ADCY2: variants seen among roughly 807,000 people sequenced by gnomAD.
ADCY2 encodes adenylate cyclase 2.
A neutral mutation model predicts 125.2 loss-of-function variants in ADCY2; 31 were observed. The observed-to-expected ratio is 0.25, with a 90% CI of 0.19 to 0.33. ADCY2 has a LOEUF of 0.33. Among genes scored for constraint, ADCY2 ranks in the 10% least tolerant of loss-of-function variants. ADCY2 has a pLI of 1.00. For synonymous variants in ADCY2, 512 were observed against 548.4 expected (o/e 0.93, Z 0.93); for missense variants, 904 against 1,418.2 (o/e 0.64, Z 5.82).
chr5:7,524,693 G>A (rs1734394527), intron 3 of ADCY2, among the ~76,000 whole-genome samples: 1 of 152,122 alleles, frequency 6.6e-6, no homozygotes, highest in Admixed American at 6.5e-5. Context: ...ATAGATTCCG[G>A]TTCTGCATCT....
chr5:7,746,699 C>T (rs1461829766), intron 15 of ADCY2, among the ~76,000 whole-genome samples: 1 of 152,218 alleles, frequency 6.6e-6, no homozygotes, highest in Non-Finnish European at 1.5e-5. Context: ...AACTTGCCTT[C>T]TATTAACGTA....
chr5:7,473,847 G>GA (rs1742425976), intron 2 of ADCY2, among the ~76,000 whole-genome samples: 1 of 152,184 alleles, frequency 6.6e-6, no homozygotes, highest in South Asian at 2.1e-4. Flanking sequence ...CTGTAAACAG[G>GA]AATGTGCTCT....
chr5:7,562,828 C>G (rs1244435746), intron 3 of ADCY2, among the ~76,000 whole-genome samples: 1 of 152,130 alleles, frequency 6.6e-6, no homozygotes, highest in Non-Finnish European at 1.5e-5. Flanking sequence ...GAGCCTGGGA[C>G]TCCATTAATA....
intron 2 of ADCY2, among the ~76,000 whole-genome samples, chr5:7,458,281 A>G (rs1201630671): frequency 1.3e-5 from 2 of 152,218 alleles, no homozygotes; most frequent in African/African-American, 4.8e-5. Context: ...TTACAAATAC[A>G]ACAGTTTTGA....
At chr5:7,627,178 A>C (rs1738162746) in intron 4 of ADCY2, among the ~76,000 whole-genome samples, 1 of 151,942 alleles carries the variant, frequency 6.6e-6, no homozygotes, top group Non-Finnish European at 1.5e-5. Context: ...TTCCTCAGGG[A>C]GGTGATTGAA....
chr5:7,716,570 G>T (rs1741596606), intron 11 of ADCY2, among the ~76,000 whole-genome samples: 2 of 152,314 alleles, frequency 1.3e-5, no homozygotes, highest in Non-Finnish European at 2.9e-5. Context: ...AAAAACTTTA[G>T]TTATTCACTC....
At chr5:7,467,947 C>T (rs1171234401) in intron 2 of ADCY2, among the ~76,000 whole-genome samples, 1 of 152,068 alleles carries the variant, frequency 6.6e-6, no homozygotes, top group African/African-American at 2.4e-5. Context: ...TATGCAAATA[C>T]AATGAAAAGA....
intron 3 of ADCY2, among the ~76,000 whole-genome samples, chr5:7,586,512 T>C (rs1736630957): frequency 6.6e-6 from 1 of 152,130 alleles, no homozygotes; most frequent in African/African-American, 2.4e-5. Flanking sequence ...TTCTGACAAA[T>C]GTGAGGGAAA....
At chr5:7,567,947 C>G (rs1219503035) in intron 3 of ADCY2, among the ~76,000 whole-genome samples, 1 of 151,540 alleles carries the variant, frequency 6.6e-6, no homozygotes, top group Non-Finnish European at 1.5e-5. Context: ...CTCTCTCTCT[C>G]TCTCTCTCTC....
intron 2 of ADCY2, among the ~76,000 whole-genome samples, chr5:7,415,295 C>G (rs1046681820): frequency 6.6e-6 from 1 of 152,198 alleles, no homozygotes; most frequent in African/African-American, 2.4e-5. Context: ...AAATAGCTGT[C>G]TTTGACTCAT....
At chr5:7,541,853 T>C (rs976107895) in intron 3 of ADCY2, among the ~76,000 whole-genome samples, 1 of 152,160 alleles carries the variant, frequency 6.6e-6, no homozygotes, top group Non-Finnish European at 1.5e-5. Flanking sequence ...AAAATACATG[T>C]AAAAGAAATA....
chr5:7,693,816 C>T (rs1239153630), intron 5 of ADCY2, among the ~76,000 whole-genome samples: 1 of 152,218 alleles, frequency 6.6e-6, no homozygotes, highest in Non-Finnish European at 1.5e-5. Context: ...GCTTTGTTCA[C>T]TGTAAGCTTT....
intron 3 of ADCY2, among the ~76,000 whole-genome samples, chr5:7,524,433 G>A (rs901857561): frequency 1.6e-4 from 24 of 151,942 alleles, no homozygotes; most frequent in African/African-American, 5.8e-4. Context: ...CTCTATGACT[G>A]CTATCTGATG....
At chr5:7,797,519 G>C (rs919190451) in intron 20 of ADCY2, 2 of 152,200 alleles carry the variant, frequency 1.3e-5, no homozygotes, top group African/African-American at 4.8e-5. Context: ...GCTCCCTAAG[G>C]GCAGGGCTTG....
At chr5:7,728,045 T>A (rs935150027) in intron 14 of ADCY2, among the ~76,000 whole-genome samples, 9 of 152,182 alleles carry the variant, frequency 5.9e-5, no homozygotes, top group African/African-American at 2.2e-4. Context: ...AGATAGATTT[T>A]TTTTTCCTTC....
intron 4 of ADCY2, among the ~76,000 whole-genome samples, chr5:7,628,768 G>C (rs190640345): frequency 1.5e-4 from 23 of 151,066 alleles, no homozygotes; most frequent in African/African-American, 4.6e-4. Context: ...AGATGTGTTT[G>C]TACTTTTCTC....
intron 22 of ADCY2, among the ~76,000 whole-genome samples, chr5:7,815,847 A>G (rs984761463): frequency 1.3e-5 from 2 of 152,166 alleles, no homozygotes; most frequent in Non-Finnish European, 2.9e-5. Flanking sequence ...AAGTACTGCA[A>G]ACGGGGGACT....
chr5:7,637,747 A>G (rs897991434), intron 4 of ADCY2, among the ~76,000 whole-genome samples: 1 of 152,190 alleles, frequency 6.6e-6, no homozygotes, highest in Admixed American at 6.5e-5. Flanking sequence ...TAAAGTAAAA[A>G]TATAAAATTA....
At chr5:7,505,038 T>G (rs1325073143) in intron 2 of ADCY2, among the ~76,000 whole-genome samples, 1 of 151,510 alleles carries the variant, frequency 6.6e-6, no homozygotes, top group Non-Finnish European at 1.5e-5. Context: ...CCACCATGCC[T>G]TTCTGTGGCT....
Sources: gnomAD v4.1 joint callset for allele counts (sites outside exome capture counted in the v4.1 genomes callset) on GRCh38, gnomAD v4.1.1 for gene constraint, MANE v1.5 for transcripts, NCBI Gene and HGNC (gene_info 2026-07-23, HGNC 2026-07-21) for gene names.